Variants in SGMS2 observed in about 807,000 individuals in gnomAD.
SGMS2 encodes sphingomyelin synthase 2.
SGMS2 carries 21 observed loss-of-function variants against 43.8 expected under a neutral mutation model. That is an observed-to-expected ratio of 0.48 (90% CI 0.34 to 0.69). The LOEUF is 0.69. Ranked by LOEUF, SGMS2 falls within the 30% of genes least tolerant of loss-of-function variation. The pLI is 0.01. For missense variants in SGMS2, 384 were observed against 443.2 expected (o/e 0.87, Z 1.20); for synonymous variants, 167 against 160.6 (o/e 1.04, Z -0.30).
chr4:107,893,714 C>A (rs187598250), intron 2 of SGMS2: 1 of 152,224 alleles, frequency 6.6e-6, no homozygotes, highest in African/African-American at 2.4e-5. Flanking sequence ...GCTCCCTTAT[C>A]CCCCATTTCT....
chr4:107,831,334 G>T (rs2125985584), intron 1 of SGMS2, among the ~76,000 whole-genome samples: 1 of 152,264 alleles, frequency 6.6e-6, no homozygotes, highest in African/African-American at 2.4e-5. Flanking sequence ...TATGCCAGAG[G>T]TGAACCCTGA....
In SGMS2 at chr4:107,885,464, T is replaced by C. The variant is rs1474287434; in HGVS notation, c.-244-9846T>C. ...TAGTTAGGCTCTTTTGATGTCAATA[T>C]CACACAATTTTAGCTGTGTAATATA... is the stretch of plus-strand genomic sequence containing the variant. On this transcript the variant is annotated intron_variant, in intron 2 of 6. Coordinates refer to ENST00000690982, the MANE Select transcript of SGMS2 (RefSeq NM_001375905.1). Among the ~76,000 whole-genome samples, 4 of 152,322 alleles carry C rather than the reference T, an allele frequency of 2.6e-5. No homozygotes were observed. In the East Asian group the frequency reaches 7.7e-4, roughly 29 times the overall value.
intron 5 of SGMS2, among the ~76,000 whole-genome samples, chr4:107,904,143 A>C (rs1051400381): frequency 1.3e-5 from 2 of 152,150 alleles, no homozygotes; most frequent in South Asian, 4.1e-4. Context: ...TTGTATATTT[A>C]GGCCTATTAC....
chr4:107,871,036 C>T (rs1334739428), intron 2 of SGMS2, among the ~76,000 whole-genome samples: 3 of 152,078 alleles, frequency 2.0e-5, no homozygotes, highest in Non-Finnish European at 2.9e-5. Flanking sequence ...TTAGAGACAG[C>T]GATTTTAATC....
In SGMS2 at chr4:107,891,119, G is replaced by T. The variant is rs1338976683; in HGVS notation, c.-244-4191G>T. ...TTTTTCTTTTTTTTTCCTTTTTCTG[G>T]CTGTTTTTCTCCCCCCCATTATACC... On this transcript the variant is annotated intron_variant, in intron 2 of 6. Coordinates refer to ENST00000690982, the MANE Select transcript of SGMS2 (RefSeq NM_001375905.1). 4.0e-5 allele frequency among the ~76,000 whole-genome samples: 3 copies of T among 74,354 alleles called. No individual in the cohort carries two copies. The East Asian group carries it at 1.5e-3, about 37-fold the overall frequency. 48.8% of individuals were successfully genotyped at this position (74,354 alleles called of 152,430 possible).
intron 1 of SGMS2, among the ~76,000 whole-genome samples, chr4:107,843,358 G>A (rs1726629004): frequency 6.6e-6 from 1 of 152,176 alleles, no homozygotes. Flanking sequence ...AATGTGGATT[G>A]TGACTTTAAA....
At chr4:107,832,469 G>A (rs1725944487) in intron 1 of SGMS2, among the ~76,000 whole-genome samples, 1 of 152,144 alleles carries the variant, frequency 6.6e-6, no homozygotes, top group African/African-American at 2.4e-5. Context: ...TGAAACACAG[G>A]GGGGTTAAGT....
chr4:107,845,645 A>C (rs1297073047), intron 1 of SGMS2, among the ~76,000 whole-genome samples: 1 of 152,202 alleles, frequency 6.6e-6, no homozygotes, highest in Non-Finnish European at 1.5e-5. Flanking sequence ...ATTAAAGTGA[A>C]TCTTGGGCTA....
In SGMS2 at chr4:107,910,763, T is replaced by G; in HGVS notation, c.*210T>G. On this transcript the variant is annotated 3_prime_UTR_variant, in exon 7 of 7. Transcript: ENST00000690982. ...AGATACATTCTCTTGCAGCTCTTCA[T>G]TCATTGGTGACAAGCCCCCACCCCG... 3.7e-6 allele frequency: 2 copies of G among 533,460 alleles called. No homozygotes were observed. The highest frequency in any genetic ancestry group is 6.6e-6 in the Non-Finnish European group (2 of 304,850). 33.0% of individuals were successfully genotyped at this position (533,460 alleles called of 1,614,324 possible). A position where few individuals can be genotyped will look rare whatever the true frequency, so the allele number is the denominator to read the frequency against.
intron 2 of SGMS2, among the ~76,000 whole-genome samples, chr4:107,866,520 C>T (rs1021446329): frequency 2.2e-4 from 34 of 151,616 alleles, no homozygotes; most frequent in Non-Finnish European, 4.7e-4. Flanking sequence ...GAGCTGAGAT[C>T]GCGCCATTGC....
intron 2 of SGMS2, among the ~76,000 whole-genome samples, chr4:107,892,068 A>G (rs1016097320): frequency 2.0e-5 from 3 of 150,842 alleles, no homozygotes; most frequent in Non-Finnish European, 4.4e-5. Context: ...TACCCTCACT[A>G]TCTGCCTAAA....
At chr4:107,905,350 A>G (rs1731466514) in intron 5 of SGMS2, among the ~76,000 whole-genome samples, 1 of 152,174 alleles carries the variant, frequency 6.6e-6, no homozygotes, top group African/African-American at 2.4e-5. Flanking sequence ...AACCACCCCC[A>G]TGATTCAGTT....
At chr4:107,868,336 G>A (rs1258841411) in intron 2 of SGMS2, among the ~76,000 whole-genome samples, 1 of 152,130 alleles carries the variant, frequency 6.6e-6, no homozygotes, top group East Asian at 1.9e-4. Context: ...ATTGCACTTC[G>A]GTAAAAACCT....
chr4:107,868,418 T>C (rs1368863682), intron 2 of SGMS2, among the ~76,000 whole-genome samples: 2 of 152,204 alleles, frequency 1.3e-5, no homozygotes, highest in African/African-American at 4.8e-5. Context: ...TGCATTCTTA[T>C]TCTTAAAGTT....
intron 2 of SGMS2, among the ~76,000 whole-genome samples, chr4:107,888,424 C>A: frequency 6.6e-6 from 1 of 152,024 alleles, no homozygotes; most frequent in Non-Finnish European, 1.5e-5. Flanking sequence ...ATTTTTAAAT[C>A]CTCTCATTGT....
At chr4:107,910,237 G>A (rs1278930927) in intron 6 of SGMS2, 113 bp from the exon 7 acceptor site, 1 of 871,696 alleles carries the variant, frequency 1.1e-6, no homozygotes, top group African/African-American at 1.7e-5. Context: ...TTACTGCCAT[G>A]TGATTCTGAA....
In SGMS2 at chr4:107,910,696, A is replaced by G. The variant is rs1732053550; in HGVS notation, c.*143A>G. On this transcript the variant is annotated 3_prime_UTR_variant, in exon 7 of 7. Coordinates refer to ENST00000690982, the MANE Select transcript of SGMS2 (RefSeq NM_001375905.1). ...TGTGTAAACGATTAGAAAGATGAACAAAGTATTGCCCTTTGACTGGTTTTC... is the reference window on the plus strand; with the variant it reads ...TGTGTAAACGATTAGAAAGATGAACGAAGTATTGCCCTTTGACTGGTTTTC... The G allele has an allele frequency of 1.4e-6, 1 of 700,656 alleles. No individual in the cohort carries two copies. Among genetic ancestry groups the G allele is most frequent in the Non-Finnish European group, 2.4e-6 (1 of 425,242 alleles). 43.4% of individuals were successfully genotyped at this position (700,656 alleles called of 1,614,324 possible).
chr4:107,869,472 G>A (rs543892239), intron 2 of SGMS2, among the ~76,000 whole-genome samples: 12 of 152,286 alleles, frequency 7.9e-5, no homozygotes, highest in African/African-American at 2.6e-4. Flanking sequence ...AAAAATTGAG[G>A]CTAGAAGTGA....
intron 1 of SGMS2, among the ~76,000 whole-genome samples, chr4:107,833,662 G>A (rs1726015475): frequency 6.6e-6 from 1 of 152,104 alleles, no homozygotes; most frequent in African/African-American, 2.4e-5. Flanking sequence ...AAATCCAAAA[G>A]ACTTCTGGTC....
Sources: allele counts gnomAD v4.1 joint callset (sites outside exome capture counted in the v4.1 genomes callset), GRCh38; gene constraint gnomAD v4.1.1; transcripts MANE v1.5; gene names NCBI Gene and HGNC (gene_info 2026-07-23, HGNC 2026-07-21).